The following SLC8A1 variants were observed in gnomAD, a reference collection of about 807,000 sequenced individuals.
SLC8A1 encodes solute carrier family 8 member A1.
A neutral mutation model predicts 68.3 loss-of-function variants in SLC8A1; 18 were observed. That is an observed-to-expected ratio of 0.26 (90% CI 0.18 to 0.39). The LOEUF (loss-of-function observed/expected upper bound fraction) is 0.39. Among genes scored for constraint, SLC8A1 ranks in the 10% least tolerant of loss-of-function variants. The probability of loss-of-function intolerance (pLI) is 1.00; values close to 1 mark genes in which losing one functional copy is unlikely to be tolerated. For synonymous variants in SLC8A1, 475 were observed against 415.5 expected (o/e 1.14, Z -1.74); for missense variants, 985 against 1,156.7 (o/e 0.85, Z 2.15).
At chr2:40,112,304 A>T (rs777839469) in exon 8 of SLC8A1, 1 of 151,370 alleles carries the variant, frequency 6.6e-6, no homozygotes, top group Non-Finnish European at 1.5e-5. Context: ...AATATGTACC[A>T]TTTATAAGGA....
intron 2 of SLC8A1, among the ~76,000 whole-genome samples, chr2:40,268,438 CAGA>C (rs999514722): frequency 2.6e-5 from 4 of 152,136 alleles, no homozygotes; most frequent in Non-Finnish European, 5.9e-5. Flanking sequence ...TACTAGGAGC[CAGA>C]AGGTCTACAA....
chr2:40,431,893 T>C (rs76277938), intron 1 of SLC8A1, among the ~76,000 whole-genome samples: 21,994 of 152,052 alleles, frequency 0.14, 1,900 homozygotes, highest in South Asian at 0.22. Flanking sequence ...GATCCCACCA[T>C]AGACTAAAGC....
chr2:40,156,493 A>G lies in SLC8A1; in HGVS notation c.2161+4272T>C, dbSNP rs999372113. The stretch of plus-strand genomic sequence containing the variant: ...AACTCTTTAATGCTGGATATTTAAC[A>G]TTAGGTAAAAGAAAGAGGGAGGAGT... On this transcript the variant is annotated intron_variant, in intron 6 of 7. Transcript: ENST00000406785. Among the ~76,000 whole-genome samples the G allele has an allele frequency of 2.8e-4, 3 of 10,560 alleles. No homozygotes were observed. In the Non-Finnish European group the frequency reaches 2.9e-3, roughly 10 times the overall value. 6.9% of individuals were successfully genotyped at this position (10,560 alleles called of 152,430 possible). A position where few individuals can be genotyped will look rare whatever the true frequency, so the allele number is the denominator to read the frequency against.
intron 7 of SLC8A1, among the ~76,000 whole-genome samples, chr2:40,120,237 T>G (rs2036475065): frequency 6.6e-6 from 1 of 152,206 alleles, no homozygotes; most frequent in Non-Finnish European, 1.5e-5. Flanking sequence ...TGTTCAGCTC[T>G]CCAATGCTTC....
intron 6 of SLC8A1, among the ~76,000 whole-genome samples, chr2:40,155,095 G>T (rs1245588210): frequency 1.3e-5 from 2 of 151,964 alleles, no homozygotes; most frequent in African/African-American, 4.8e-5. Flanking sequence ...TAGACACACT[G>T]AGGCTATGTC....
intron 2 of SLC8A1, among the ~76,000 whole-genome samples, chr2:40,242,658 T>C (rs771762520): frequency 1.3e-5 from 2 of 152,260 alleles, no homozygotes; most frequent in Non-Finnish European, 2.9e-5. Context: ...CATTTACTCA[T>C]GGTATTGCCT....
intron 4 of SLC8A1, among the ~76,000 whole-genome samples, chr2:40,172,891 G>C (rs745704955): frequency 6.6e-6 from 1 of 152,078 alleles, no homozygotes; most frequent in African/African-American, 2.4e-5. Flanking sequence ...GCAGTGAGCC[G>C]AGATCGCGCC....
chr2:40,282,983 A>G (rs2067745223), intron 2 of SLC8A1, among the ~76,000 whole-genome samples: 1 of 152,152 alleles, frequency 6.6e-6, no homozygotes, highest in South Asian at 2.1e-4. Flanking sequence ...TTCTTCCTGA[A>G]AAGACATGAT....
chr2:40,410,394 A>G (rs1691735635), intron 2 of SLC8A1, among the ~76,000 whole-genome samples: 1 of 152,134 alleles, frequency 6.6e-6, no homozygotes, highest in Admixed American at 6.6e-5. Flanking sequence ...AGCTTTCCAG[A>G]TAGTGACTGG....
intron 1 of SLC8A1, among the ~76,000 whole-genome samples, chr2:40,509,437 ATTTT>A (rs367549288): frequency 8.8e-6 from 1 of 113,754 alleles, no homozygotes; most frequent in Admixed American, 9.4e-5. Flanking sequence ...GGGATTTGGA[ATTTT>A]TTTTTTTTTT....
At chr2:40,184,595 A>G (rs1416597589) in intron 2 of SLC8A1, among the ~76,000 whole-genome samples, 1 of 152,182 alleles carries the variant, frequency 6.6e-6, no homozygotes, top group African/African-American at 2.4e-5. Flanking sequence ...CACAACAGTG[A>G]TTATATCTGG....
chr2:40,307,144 T>TACACAC (rs753955915), intron 2 of SLC8A1, among the ~76,000 whole-genome samples: 1,142 of 101,178 alleles, frequency 0.011, 10 homozygotes, highest in African/African-American at 0.037. Context: ...GAAAATGTGA[T>TACACAC]ATACACACAC....
intron 1 of SLC8A1, among the ~76,000 whole-genome samples, chr2:40,461,003 G>T (rs746637253): frequency 5.9e-5 from 9 of 152,292 alleles, no homozygotes; most frequent in East Asian, 5.8e-4. Flanking sequence ...CACATAAAAG[G>T]ACTCTAAACA....
intron 2 of SLC8A1, among the ~76,000 whole-genome samples, chr2:40,299,793 A>G (rs1022478967): frequency 4.6e-5 from 7 of 152,268 alleles, no homozygotes; most frequent in Admixed American, 4.6e-4. Context: ...GCCTTTTTCT[A>G]TACTTAGGAC....
intron 2 of SLC8A1, among the ~76,000 whole-genome samples, chr2:40,244,409 A>T (rs901886017): frequency 1.3e-5 from 2 of 152,106 alleles, no homozygotes; most frequent in African/African-American, 4.8e-5. Context: ...TATGAAGGCC[A>T]GGCTGGGAGT....
intron 2 of SLC8A1, among the ~76,000 whole-genome samples, chr2:40,384,008 C>G (rs1033978026): frequency 1.3e-5 from 2 of 152,042 alleles, no homozygotes; most frequent in African/African-American, 4.8e-5. Flanking sequence ...CACCTGCAAT[C>G]TCAACATTTT....
At chr2:40,229,214 A>C (rs930501387) in intron 2 of SLC8A1, among the ~76,000 whole-genome samples, 1 of 152,158 alleles carries the variant, frequency 6.6e-6, no homozygotes, top group East Asian at 1.9e-4. Context: ...AATTGAGTGG[A>C]AGAGGTATCA....
chr2:40,123,607 T>TG (rs1273018604), intron 7 of SLC8A1, among the ~76,000 whole-genome samples: 1 of 152,194 alleles, frequency 6.6e-6, no homozygotes, highest in Admixed American at 6.5e-5. Context: ...TAAAATGGGC[T>TG]GGAATGAACT....
chr2:40,430,297 AC>A (rs1697985826), exon 2 of SLC8A1: 1 of 1,589,020 alleles, frequency 6.3e-7, no homozygotes, highest in African/African-American at 1.4e-5. Context: ...TCCAACTGTC[AC>A]AACCTACTGG....
Sources: gnomAD v4.1 joint callset for allele counts (sites outside exome capture counted in the v4.1 genomes callset) on GRCh38, gnomAD v4.1.1 for gene constraint, MANE v1.5 for transcripts, NCBI Gene and HGNC (gene_info 2026-07-23, HGNC 2026-07-21) for gene names.